RPS6KC1: variants seen among roughly 807,000 people sequenced by gnomAD.
The protein encoded by RPS6KC1 is ribosomal protein S6 kinase C1.
In RPS6KC1, 54 loss-of-function variants were observed where a neutral mutation model predicts 103.8. The observed-to-expected ratio is 0.52, with a 90% CI of 0.42 to 0.65. RPS6KC1 has a LOEUF of 0.65. Ranked by LOEUF, RPS6KC1 falls within the 30% of genes least tolerant of loss-of-function variation. RPS6KC1 has a pLI of 0.00. For missense variants in RPS6KC1, 1,151 were observed against 1,253.8 expected, an observed-to-expected ratio of 0.92 and a Z score of 1.24; for synonymous variants, 439 against 438.7, an observed-to-expected ratio of 1.00 and a Z score of -0.01.
At chr1:213,691,982 G>C in the RPS6KC1 span, among the ~76,000 whole-genome samples, 4 of 152,216 alleles carry the variant, frequency 2.6e-5, no homozygotes, top group African/African-American at 9.6e-5. Context: ...GCTAGCGGTG[G>C]TGAATCCATA....
the RPS6KC1 span, among the ~76,000 whole-genome samples, chr1:213,334,838 A>G: frequency 6.6e-6 from 1 of 152,162 alleles, no homozygotes; most frequent in Non-Finnish European, 1.5e-5. Context: ...TCCTGTATCT[A>G]TCTAGAGATA....
chr1:213,527,692 C>T, the RPS6KC1 span, among the ~76,000 whole-genome samples: 3 of 152,004 alleles, frequency 2.0e-5, no homozygotes, highest in Admixed American at 6.5e-5. Flanking sequence ...TTAATTGACA[C>T]GTTGTAATTG....
In RPS6KC1 at chr1:213,274,007, C is replaced by G. The variant is rs563735586; in HGVS notation, c.*1373C>G. 5 of 152,130 alleles carry G rather than the reference C, an allele frequency of 3.3e-5. No homozygotes were observed. In the South Asian group the frequency reaches 8.3e-4, roughly 25 times the overall value. The allele number at this position is 152,130 out of a possible 1,614,324, so 9.4% of individuals were successfully genotyped here. A position where few individuals can be genotyped will look rare whatever the true frequency, so the allele number is the denominator to read the frequency against. On this transcript the variant is annotated 3_prime_UTR_variant, in exon 15 of 15. Transcript: ENST00000366960. ...AGCTTCCATCTGCCATCGACCAGGTCCTCTCATCAAATTAAATGGAACAGA... is the reference window on the plus strand; with the variant it reads ...AGCTTCCATCTGCCATCGACCAGGTGCTCTCATCAAATTAAATGGAACAGA...
the RPS6KC1 span, among the ~76,000 whole-genome samples, chr1:213,539,016 G>A: frequency 2.0e-5 from 3 of 152,152 alleles, no homozygotes; most frequent in African/African-American, 7.2e-5. Context: ...CTGACTAAAG[G>A]ACACAGCCGT....
At chr1:213,670,801 G>T in the RPS6KC1 span, among the ~76,000 whole-genome samples, 1 of 152,226 alleles carries the variant, frequency 6.6e-6, no homozygotes. Context: ...TTTGGGGATT[G>T]GCTGAGGATG....
the RPS6KC1 span, among the ~76,000 whole-genome samples, chr1:213,727,745 T>C: frequency 6.6e-6 from 1 of 152,138 alleles, no homozygotes; most frequent in Non-Finnish European, 1.5e-5. Context: ...GATTTTCAAT[T>C]CCCCCATGCC....
chr1:213,486,948 G>C, the RPS6KC1 span, among the ~76,000 whole-genome samples: 18 of 152,212 alleles, frequency 1.2e-4, no homozygotes, highest in Non-Finnish European at 2.4e-4. Flanking sequence ...AGGTATAATA[G>C]AACATCTAGC....
the RPS6KC1 span, among the ~76,000 whole-genome samples, chr1:213,558,495 A>G: frequency 2.6e-5 from 4 of 152,204 alleles, no homozygotes; most frequent in South Asian, 6.2e-4. Context: ...GCACAAAGCA[A>G]CACTGTAGCC....
At chr1:213,707,104 G>A in the RPS6KC1 span, among the ~76,000 whole-genome samples, 1 of 152,102 alleles carries the variant, frequency 6.6e-6, no homozygotes, top group South Asian at 2.1e-4. Context: ...TCTGGTTCTA[G>A]ATCCTTAAGG....
the RPS6KC1 span, among the ~76,000 whole-genome samples, chr1:213,498,773 T>TTC: frequency 7.0e-5 from 3 of 42,970 alleles, no homozygotes; most frequent in Admixed American, 1.6e-4. Flanking sequence ...TTTTCTAAGA[T>TTC]TTTTTTTTTT....
At chr1:213,527,928 C>T in the RPS6KC1 span, among the ~76,000 whole-genome samples, 1 of 151,896 alleles carries the variant, frequency 6.6e-6, no homozygotes, top group African/African-American at 2.4e-5. Flanking sequence ...GTTAAGAAAA[C>T]CATAAGGAAA....
chr1:213,207,734 C>T (rs1473863037), intron 8 of RPS6KC1, among the ~76,000 whole-genome samples: 1 of 151,968 alleles, frequency 6.6e-6, no homozygotes, highest in East Asian at 1.9e-4. Flanking sequence ...AGTGCAGTGG[C>T]GCGATCTCAG....
At chr1:213,662,552 A>G in the RPS6KC1 span, among the ~76,000 whole-genome samples, 271 of 150,858 alleles carry the variant, frequency 1.8e-3, no homozygotes, top group Middle Eastern at 7.1e-3. Context: ...TGTTGGGGTT[A>G]CAGGCGTGAG....
chr1:213,450,489 T>G, the RPS6KC1 span, among the ~76,000 whole-genome samples: 4 of 152,236 alleles, frequency 2.6e-5, no homozygotes, highest in Non-Finnish European at 5.9e-5. Flanking sequence ...CCTCACCCTT[T>G]CTTGTGTGGG....
At chr1:213,374,813 G>C in the RPS6KC1 span, among the ~76,000 whole-genome samples, 1 of 152,234 alleles carries the variant, frequency 6.6e-6, no homozygotes, top group African/African-American at 2.4e-5. Context: ...GGGACAGAAA[G>C]GGAAGGGCCT....
At chr1:213,305,407 C>A in the RPS6KC1 span, among the ~76,000 whole-genome samples, 1 of 152,306 alleles carries the variant, frequency 6.6e-6, no homozygotes, top group African/African-American at 2.4e-5. Flanking sequence ...TATTACTAGA[C>A]CAAATTGGGA....
chr1:213,371,234 C>T, the RPS6KC1 span, among the ~76,000 whole-genome samples: 1 of 152,180 alleles, frequency 6.6e-6, no homozygotes, highest in African/African-American at 2.4e-5. Flanking sequence ...GCTTATTTCA[C>T]TTACTATGAT....
the RPS6KC1 span, among the ~76,000 whole-genome samples, chr1:213,410,192 G>A: frequency 6.6e-6 from 1 of 152,158 alleles, no homozygotes; most frequent in Non-Finnish European, 1.5e-5. Context: ...AGCATGTTTA[G>A]GATGCATACC....
the RPS6KC1 span, among the ~76,000 whole-genome samples, chr1:213,666,705 A>G: frequency 7.9e-5 from 12 of 152,232 alleles, 1 homozygote. Context: ...GGAGAAATAA[A>G]TCCAGGGGTG....
Sources: gnomAD v4.1 joint callset for allele counts (sites outside exome capture counted in the v4.1 genomes callset) on GRCh38, gnomAD v4.1.1 for gene constraint, MANE v1.5 for transcripts, NCBI Gene and HGNC (gene_info 2026-07-23, HGNC 2026-07-21) for gene names.